The following MTHFSD variants were observed in gnomAD, a reference collection of about 807,000 sequenced individuals.
MTHFSD encodes methenyltetrahydrofolate synthase domain-containing protein.
MTHFSD carries 37 observed loss-of-function variants against 31.1 expected under a neutral mutation model. The ratio of observed to expected loss-of-function variants is 1.19; its 90% CI spans 0.91 to 1.56. The LOEUF is 1.56. Among genes scored for constraint, MTHFSD ranks in the 40% most tolerant of loss-of-function variants. MTHFSD has a pLI of 0.00. For missense variants in MTHFSD, 664 were observed against 510.1 expected, an observed-to-expected ratio of 1.30 and a Z score of -2.91; for synonymous variants, 221 against 206.9, an observed-to-expected ratio of 1.07 and a Z score of -0.59.
Position 86,553,497 on chromosome 16 carries a change from TG to T in MTHFSD, c.123+1147del, listed in dbSNP as rs370719090. Reference sequence around the variant, plus strand: ...GGCCAGCGCGAGTTCCATGTAGGCGTGGGGAGCCCCGCACTCACAGCGGCTG... The same window carrying T: ...GGCCAGCGCGAGTTCCATGTAGGCGTGGGAGCCCCGCACTCACAGCGGCTG... On this transcript the variant is annotated intron_variant, in intron 2 of 7. Transcript: ENST00000360900. The T allele has an allele frequency of 1.1e-3, 161 of 152,552 alleles. 3 individuals carry two copies. In the South Asian group the frequency reaches 0.031, roughly 30 times the overall value. 9.4% of individuals were successfully genotyped at this position (152,552 alleles called of 1,614,324 possible).
At chr16:86,541,237 G>C in intron 7 of MTHFSD, 1 of 1,288,280 alleles carries the variant, frequency 7.8e-7, no homozygotes, top group Non-Finnish European at 1.0e-6. Context: ...ATGTACAAAG[G>C]CTTGGTACTG....
chr16:86,555,199 T>C lies in MTHFSD; in HGVS notation c.-15A>G. 1 of 1,536,740 alleles carries C rather than the reference T, an allele frequency of 6.5e-7. No homozygotes were observed. Among genetic ancestry groups the C allele is most frequent in the Non-Finnish European group, 8.7e-7 (1 of 1,146,530 alleles). On this transcript the variant is annotated 5_prime_UTR_variant, in exon 1 of 8. Coordinates refer to ENST00000360900, the MANE Select transcript of MTHFSD (RefSeq NM_001159377.2). The stretch of plus-strand genomic sequence containing the variant: ...CTCGGCTCCATGGTGATGCAGTCGC[T>C]GTGCGACGCTTCCCGGCGCAGGTTC...
Position 86,532,256 on chromosome 16 carries a change from G to T in MTHFSD, c.907C>A (p.Pro303Thr). Reference sequence around the variant, plus strand: ...CCAACGTAAACATCGGCTGCAAGCGGGGCACCCTCCCCTGGTGGGGAGCCA... The same window carrying T: ...CCAACGTAAACATCGGCTGCAAGCGTGGCACCCTCCCCTGGTGGGGAGCCA... ...APGSPPGEGA[P>T]LAADVYVGNL... The change falls in exon 8 of 8, where the codon CCG becomes ACG. Residue 303 changes from proline to threonine, a missense_variant. Physicochemically the swap from Pro to Thr is conservative, Grantham distance 38 (BLOSUM62 -1). Transcript: ENST00000360900. The T allele has an allele frequency of 6.4e-7, 1 of 1,569,712 alleles. No individual in the cohort carries two copies. The highest frequency in any genetic ancestry group is 8.6e-7 in the Non-Finnish European group (1 of 1,159,174).
intron 7 of MTHFSD, chr16:86,535,505 A>G (rs779910764): frequency 2.0e-5 from 20 of 985,318 alleles, no homozygotes; most frequent in Admixed American, 6.1e-5. Flanking sequence ...TAGTTGTTAC[A>G]TTCTGTCAAT....
intron 7 of MTHFSD, among the ~76,000 whole-genome samples, chr16:86,537,410 C>T (rs183360653): frequency 4.1e-4 from 62 of 152,184 alleles, no homozygotes; most frequent in Non-Finnish European, 6.3e-4. Context: ...AATGGACTCC[C>T]CCCACCCCCA....
At chr16:86,535,456 G>A (rs1227308903) in intron 7 of MTHFSD, 1 of 985,246 alleles carries the variant, frequency 1.0e-6, no homozygotes, top group Non-Finnish European at 1.2e-6. Flanking sequence ...TGGGATGAGT[G>A]CATGGCAGTG....
chr16:86,554,822 T>A, intron 1 of MTHFSD, 71 bp from the exon 2 acceptor site: 1 of 1,310,732 alleles, frequency 7.6e-7, no homozygotes, highest in Non-Finnish European at 1.1e-6. Flanking sequence ...CGCTTAACAG[T>A]AGTTAAGCGA....
At position 86,532,075 on chromosome 16, in the gene MTHFSD, T is replaced by C. The variant is rs750890450; in HGVS notation, c.1088A>G (p.Gln363Arg). 6.5e-7 allele frequency: 1 copy of C among 1,527,524 alleles called. No individual in the cohort carries two copies. The highest frequency in any genetic ancestry group is 8.8e-7 in the Non-Finnish European group (1 of 1,137,320). 94.6% of individuals were successfully genotyped at this position (1,527,524 alleles called of 1,614,324 possible). ...AAAQQAVSCL[Q>R]GLRLGTDTLR... ...GGTGTCGGTGCCCAGGCGCAGGCCC[T>C]GCAAGCAGGAGACGGCCTGCTGGGC... The change falls in exon 8 of 8, where the codon CAG becomes CGG. Residue 363 changes from glutamine to arginine, a missense_variant. Physicochemically the swap from Gln to Arg is conservative, Grantham distance 43. Coordinates refer to ENST00000360900, the MANE Select transcript of MTHFSD (RefSeq NM_001159377.2).
At chr16:86,540,330 C>A (rs183197082) in intron 7 of MTHFSD, among the ~76,000 whole-genome samples, 2 of 152,228 alleles carry the variant, frequency 1.3e-5, no homozygotes, top group Non-Finnish European at 2.9e-5. Context: ...CTCCCTCCCC[C>A]ACAGTGCTGA....
At chr16:86,538,215 C>T (rs117972641) in intron 7 of MTHFSD, among the ~76,000 whole-genome samples, 283 of 82,190 alleles carry the variant, frequency 3.4e-3, no homozygotes, top group Non-Finnish European at 5.2e-3. Context: ...GTATTCTTAA[C>T]ATATATCATT....
At chr16:86,532,631 T>C (rs1303549882) in intron 7 of MTHFSD, 150 bp from the exon 8 acceptor site, 5 of 500,124 alleles carry the variant, frequency 1.0e-5, no homozygotes, top group Non-Finnish European at 1.7e-5. Context: ...ACTCCCACTG[T>C]CCCACCCACT....
At position 86,532,115 on chromosome 16, in the gene MTHFSD, G is replaced by A. The variant is rs775161034; in HGVS notation, c.1048C>T (p.Pro350Ser). 1.2e-5 allele frequency: 18 copies of A among 1,548,252 alleles called. No individual in the cohort carries two copies. The African/African-American group carries it at 1.6e-4, about 14-fold the overall frequency. Residue 350 changes from proline to serine, a missense_variant, in exon 8 of 8, where the codon CCG becomes TCG. Transcript: ENST00000360900. ...GPRRRAFLHYPDSAAAQQAVS... is the reference protein window; with the variant it reads ...GPRRRAFLHYSDSAAAQQAVS... ...GCCTGCTGGGCTGCGGCAGAGTCCG[G>A]GTAATGGAGGAAGGCTCTGCGCCGC...
At chr16:86,540,612 G>T in intron 7 of MTHFSD, 1 of 937,988 alleles carries the variant, frequency 1.1e-6, no homozygotes, top group Non-Finnish European at 1.3e-6. Context: ...CCCTGTTCTC[G>T]GCTCTGAGGA....
intron 7 of MTHFSD, chr16:86,535,334 T>TTCCTGGCC (rs1300665137): frequency 7.2e-6 from 1 of 139,812 alleles, no homozygotes; most frequent in Non-Finnish European, 8.3e-6. Flanking sequence ...CTCTAATGGC[T>TTCCTGGCC]GTGGGGCGGC....
intron 5 of MTHFSD, among the ~76,000 whole-genome samples, chr16:86,545,834 C>T: frequency 6.6e-6 from 1 of 152,222 alleles, no homozygotes; most frequent in East Asian, 1.9e-4. Context: ...ACAGTGCGCT[C>T]CTGAGTCCCC....
intron 7 of MTHFSD, among the ~76,000 whole-genome samples, chr16:86,535,729 G>T (rs1172330054): frequency 6.6e-6 from 1 of 152,188 alleles, no homozygotes; most frequent in Non-Finnish European, 1.5e-5. Context: ...GCAGACACCT[G>T]GGCTCCAATC....
At chr16:86,532,505 T>C in intron 7 of MTHFSD, 24 bp from the exon 8 acceptor site, 2 of 1,388,584 alleles carry the variant, frequency 1.4e-6, no homozygotes, top group Non-Finnish European at 1.9e-6. Context: ...CAGTTGCAGC[T>C]CTTTCAGGGA....
rs1197397026 is a variant in MTHFSD at position 86,548,538 on chromosome 16, T to C, written c.277A>G (p.Thr93Ala). The C allele has an allele frequency of 3.7e-6, 6 of 1,613,310 alleles. No homozygotes were observed. The East Asian group carries it at 6.7e-5, about 18-fold the overall frequency. Residue 93 changes from threonine (T) to alanine (A), a missense_variant, in exon 4 of 8, where the codon ACG (threonine) becomes GCG (alanine). Coordinates refer to ENST00000360900, the MANE Select transcript of MTHFSD (RefSeq NM_001159377.2). The part of the protein sequence containing the change: ...TLLVPTPRLR[T>A]GLFNKITPPP... ...GGTGTGATCTTATTAAACAATCCCG[T>C]TCTCAGTCGTGGTGTTGGAACCAAC...
chr16:86,542,061 G>A lies in MTHFSD; in HGVS notation c.555+40C>T, dbSNP rs1339992413. ...CCCCACCCCCTGCTCCCTCAGAAGA[G>A]AATGGCAGTGGCTCTGCTCAGCCCA... On this transcript the variant is annotated intron_variant, in intron 6 of 7. Transcript: ENST00000360900. The surrounding 1 kb of genome is among the most constrained non-coding windows in gnomAD (Gnocchi z 4.6). 6.4e-7 allele frequency: 1 copy of A among 1,564,512 alleles called. No homozygotes were observed. Among genetic ancestry groups the A allele is most frequent in the African/African-American group, 1.4e-5 (1 of 73,974 alleles).
Sources: allele counts gnomAD v4.1 joint callset (sites outside exome capture counted in the v4.1 genomes callset), GRCh38; gene constraint gnomAD v4.1.1; non-coding constraint Gnocchi (gnomAD v3.1); transcripts MANE v1.5; gene names NCBI Gene and HGNC (gene_info 2026-07-23, HGNC 2026-07-21).